The following MRPL3 variants were observed in gnomAD, a reference collection of about 807,000 sequenced individuals.
The protein encoded by MRPL3 is mitochondrial ribosomal protein L3.
In MRPL3, 43 loss-of-function variants were observed where a neutral mutation model predicts 44.3. The ratio of observed to expected loss-of-function variants is 0.97; its 90% CI spans 0.76 to 1.25. The LOEUF (loss-of-function observed/expected upper bound fraction) is 1.25, where lower values mean the gene tolerates loss of function less well. Among genes scored for constraint, MRPL3 ranks in the 50% most tolerant of loss-of-function variants. MRPL3 has a pLI of 0.00. For synonymous variants in MRPL3, 171 were observed against 152.3 expected (o/e 1.12, Z -0.91); for missense variants, 406 against 427.6 (o/e 0.95, Z 0.45).
intron 9 of MRPL3, among the ~76,000 whole-genome samples, chr3:131,465,454 G>C (rs1479369026): frequency 6.6e-6 from 1 of 152,168 alleles, no homozygotes; most frequent in Non-Finnish European, 1.5e-5. Flanking sequence ...CAGGGATATT[G>C]TAGAAGTACT....
chr3:131,491,263 A>G (rs1934250113), intron 4 of MRPL3, among the ~76,000 whole-genome samples: 1 of 152,062 alleles, frequency 6.6e-6, no homozygotes, highest in African/African-American at 2.4e-5. Flanking sequence ...AAGGATCTCC[A>G]TACGGTCAAC....
At chr3:131,482,911 A>G (rs1239802254) in intron 6 of MRPL3, among the ~76,000 whole-genome samples, 1 of 152,026 alleles carries the variant, frequency 6.6e-6, no homozygotes, top group Non-Finnish European at 1.5e-5. Flanking sequence ...TTTCAGGCAG[A>G]TACCTAACAC....
At chr3:131,481,090 G>A (rs982569383) in intron 6 of MRPL3, among the ~76,000 whole-genome samples, 13 of 152,120 alleles carry the variant, frequency 8.5e-5, no homozygotes, top group Non-Finnish European at 1.9e-4. Context: ...CCAGCAAATC[G>A]GAGAGGTATG....
chr3:131,472,182 A>C (rs1933757280), intron 6 of MRPL3, among the ~76,000 whole-genome samples: 1 of 152,216 alleles, frequency 6.6e-6, no homozygotes, highest in Admixed American at 6.5e-5. Flanking sequence ...TAGAGGACTA[A>C]ATAGAAAAAA....
At chr3:131,482,986 CTTTT>C (rs3033337) in intron 6 of MRPL3, among the ~76,000 whole-genome samples, 1,571 of 140,762 alleles carry the variant, frequency 0.011, 27 homozygotes, top group African/African-American at 0.037. Context: ...TTTCATTCTT[CTTTT>C]TTTTTTTTTT....
At chr3:131,489,160 T>C (rs1416274532) in intron 5 of MRPL3, among the ~76,000 whole-genome samples, 1 of 152,126 alleles carries the variant, frequency 6.6e-6, no homozygotes, top group African/African-American at 2.4e-5. Flanking sequence ...ACTATCCCTT[T>C]ATATTTAAAG....
intron 6 of MRPL3, among the ~76,000 whole-genome samples, chr3:131,480,203 T>TA (rs757153801): frequency 1.3e-5 from 2 of 152,230 alleles, no homozygotes; most frequent in Non-Finnish European, 2.9e-5. Context: ...GTTTCCTACT[T>TA]ACTTGCATTT....
chr3:131,474,765 A>AT (rs372689423), intron 6 of MRPL3, among the ~76,000 whole-genome samples: 1,695 of 137,874 alleles, frequency 0.012, 24 homozygotes, highest in African/African-American at 0.039. Flanking sequence ...AGACTTTTTA[A>AT]TTTTTTTTTT....
At chr3:131,465,707 C>G (rs944008947) in intron 9 of MRPL3, among the ~76,000 whole-genome samples, 3 of 152,070 alleles carry the variant, frequency 2.0e-5, no homozygotes, top group African/African-American at 7.2e-5. Context: ...TATGTCTTCA[C>G]ATGAATTATG....
At chr3:131,487,809 A>C in intron 5 of MRPL3, 69 bp from the exon 6 acceptor site, 1 of 1,278,214 alleles carries the variant, frequency 7.8e-7, no homozygotes, top group Non-Finnish European at 1.1e-6. Context: ...TTCAACATAA[A>C]CTATATCCAG....
At chr3:131,496,164 C>A (rs1293210528) in intron 4 of MRPL3, among the ~76,000 whole-genome samples, 1 of 152,114 alleles carries the variant, frequency 6.6e-6, no homozygotes, top group Non-Finnish European at 1.5e-5. Flanking sequence ...TACAAAAACA[C>A]AGAAGTACAA....
intron 6 of MRPL3, chr3:131,487,347 T>C: frequency 4.6e-6 from 1 of 216,648 alleles, no homozygotes; most frequent in Non-Finnish European, 9.1e-6. Context: ...ATACCTAATA[T>C]AAATGACGAG....
chr3:131,492,851 G>A (rs1934288398), intron 4 of MRPL3, among the ~76,000 whole-genome samples: 1 of 152,166 alleles, frequency 6.6e-6, no homozygotes, highest in South Asian at 2.1e-4. Flanking sequence ...TCCTGCTATT[G>A]TAAATATCAC....
intron 9 of MRPL3, among the ~76,000 whole-genome samples, chr3:131,465,889 CTCT>C (rs1198016179): frequency 1.7e-4 from 21 of 125,962 alleles, no homozygotes; most frequent in African/African-American, 5.7e-4. Flanking sequence ...TTCTTTTTCT[CTCT>C]TTTTTTTTTT....
Position 131,470,729 on chromosome 3 carries a change from C to T in MRPL3, c.738+442G>A, listed in dbSNP as rs117459686. On this transcript the variant is annotated intron_variant, in intron 7 of 9. Coordinates refer to ENST00000264995, the MANE Select transcript of MRPL3 (RefSeq NM_007208.4). ...TATATGCATACTTATAGTTTGAATT[C>T]AACACTATAGGGTTCATTTTAATTT... 7.2e-5 allele frequency among the ~76,000 whole-genome samples: 11 copies of T among 152,166 alleles called. No homozygotes were observed. In the East Asian group the frequency reaches 2.1e-3, roughly 29 times the overall value.
chr3:131,468,373 A>C (rs1933669012), intron 8 of MRPL3, among the ~76,000 whole-genome samples: 1 of 152,218 alleles, frequency 6.6e-6, no homozygotes, highest in African/African-American at 2.4e-5. Flanking sequence ...GAAGTAGTAG[A>C]AAACTCTCAT....
intron 1 of MRPL3, chr3:131,501,970 CAA>C: frequency 6.9e-7 from 1 of 1,451,676 alleles, no homozygotes; most frequent in Non-Finnish European, 9.3e-7. Context: ...ACATATTCCC[CAA>C]AAAACAGTCC....
intron 6 of MRPL3, chr3:131,479,218 G>T (rs551057674): frequency 7.8e-6 from 4 of 515,126 alleles, no homozygotes; most frequent in African/African-American, 5.8e-5. Flanking sequence ...GTCAGGCAAG[G>T]TCTACGAGTA....
chr3:131,498,298 A>C, intron 3 of MRPL3, 21 bp from the exon 4 acceptor site: 1 of 1,471,024 alleles, frequency 6.8e-7, no homozygotes, highest in East Asian at 2.3e-5. Flanking sequence ...AAACATAAAA[A>C]AACTAAGCAT....
Sources: allele counts gnomAD v4.1 joint callset (sites outside exome capture counted in the v4.1 genomes callset), GRCh38; gene constraint gnomAD v4.1.1; transcripts MANE v1.5; gene names NCBI Gene and HGNC (gene_info 2026-07-23, HGNC 2026-07-21).